GABRB1: variants seen among roughly 807,000 people sequenced by gnomAD.
The protein encoded by GABRB1 is gamma-aminobutyric acid type A receptor subunit beta1, also known as gamma-aminobutyric acid receptor subunit beta-1.
Under a neutral mutation model 51.6 loss-of-function variants are expected in GABRB1, and 17 were observed. That is an observed-to-expected ratio of 0.33 (90% CI 0.23 to 0.49). The LOEUF (loss-of-function observed/expected upper bound fraction) is 0.49. GABRB1 is among the 20% of genes least tolerant of loss of function. The probability of loss-of-function intolerance (pLI) is 0.99; values close to 1 mark genes in which losing one functional copy is unlikely to be tolerated. For synonymous variants in GABRB1, 247 were observed against 218.9 expected (o/e 1.13, Z -1.14); for missense variants, 410 against 600.6 (o/e 0.68, Z 3.32).
At chr4:47,162,076 T>A in intron 4 of GABRB1, among the ~76,000 whole-genome samples, 1 of 152,042 alleles carries the variant, frequency 6.6e-6, no homozygotes, top group Non-Finnish European at 1.5e-5. Context: ...ATCTTTGAAA[T>A]TTTTTCACTC....
chr4:47,325,349 C>T (rs1002878319), intron 5 of GABRB1, among the ~76,000 whole-genome samples: 9 of 151,066 alleles, frequency 6.0e-5, no homozygotes, highest in Non-Finnish European at 1.2e-4. Flanking sequence ...GCAGGGGAAT[C>T]ATTTGAACTT....
At chr4:47,058,817 C>T (rs1726730239) in intron 3 of GABRB1, among the ~76,000 whole-genome samples, 1 of 152,010 alleles carries the variant, frequency 6.6e-6, no homozygotes, top group South Asian at 2.1e-4. Context: ...TCTTGTCCAC[C>T]CCAGTAGATA....
intron 3 of GABRB1, 186 bp downstream of exon 3, chr4:47,032,670 G>C (rs1725377105): frequency 1.4e-6 from 1 of 719,396 alleles, no homozygotes; most frequent in African/African-American, 1.7e-5. Flanking sequence ...ACACACACGG[G>C]CTACTGCGGT....
At chr4:47,039,888 T>C (rs1560506882) in intron 3 of GABRB1, among the ~76,000 whole-genome samples, 2 of 152,190 alleles carry the variant, frequency 1.3e-5, no homozygotes, top group Non-Finnish European at 2.9e-5. Flanking sequence ...GACAATGTCA[T>C]TGAATGCTCT....
chr4:47,386,761 G>A (rs1260237305), intron 5 of GABRB1, among the ~76,000 whole-genome samples: 1 of 152,156 alleles, frequency 6.6e-6, no homozygotes, highest in African/African-American at 2.4e-5. Flanking sequence ...AGACACTTAA[G>A]CTGATGAAAT....
chr4:47,199,629 G>A (rs1719822546), intron 4 of GABRB1, among the ~76,000 whole-genome samples: 1 of 152,178 alleles, frequency 6.6e-6, no homozygotes, highest in Non-Finnish European at 1.5e-5. Flanking sequence ...CTTGGGCATA[G>A]AGGATGGAGT....
intron 3 of GABRB1, among the ~76,000 whole-genome samples, chr4:47,042,877 T>C (rs887641924): frequency 6.6e-6 from 1 of 151,976 alleles, no homozygotes; most frequent in Non-Finnish European, 1.5e-5. Flanking sequence ...ATATACCTCA[T>C]GTATACATAA....
intron 1 of GABRB1, among the ~76,000 whole-genome samples, chr4:46,999,812 A>C (rs1364259985): frequency 1.3e-5 from 2 of 152,248 alleles, no homozygotes; most frequent in Non-Finnish European, 2.9e-5. Context: ...ACATGCTGAC[A>C]TCACAGCCTG....
chr4:47,215,886 T>C (rs1021244334), intron 4 of GABRB1, among the ~76,000 whole-genome samples: 1 of 152,110 alleles, frequency 6.6e-6, no homozygotes, highest in Non-Finnish European at 1.5e-5. Context: ...TTCATTCATA[T>C]TGGATGACAC....
chr4:47,250,743 T>C (rs1439728025), intron 4 of GABRB1, among the ~76,000 whole-genome samples: 1 of 152,196 alleles, frequency 6.6e-6, no homozygotes, highest in African/African-American at 2.4e-5. Context: ...TTTAAATCTA[T>C]TGCTGAGAAT....
intron 3 of GABRB1, among the ~76,000 whole-genome samples, chr4:47,082,259 A>C (rs1047307264): frequency 6.6e-6 from 1 of 152,022 alleles, no homozygotes; most frequent in African/African-American, 2.4e-5. Flanking sequence ...CACTGTTATA[A>C]ATGGAAAACA....
chr4:47,067,939 C>T (rs1308631634), intron 3 of GABRB1, among the ~76,000 whole-genome samples: 1 of 152,100 alleles, frequency 6.6e-6, no homozygotes, highest in Non-Finnish European at 1.5e-5. Flanking sequence ...TCCATGTATT[C>T]TCATTGTTCA....
rs548151027 is a variant in GABRB1, at chr4:47,116,393, C to G, written c.241-44856C>G. Among the ~76,000 whole-genome samples, 68 of 152,314 alleles carry G rather than the reference C, an allele frequency of 4.5e-4. No individual in the cohort carries two copies. In the Middle Eastern group the frequency reaches 0.01, roughly 23 times the overall value. ...GTTGCCACAGATATCTGCCAGTGCT[C>G]AACCTGGTGGCAAAGATGTGTAAAA... On this transcript the variant is annotated intron_variant, in intron 3 of 8. Coordinates refer to ENST00000295454, the MANE Select transcript of GABRB1 (RefSeq NM_000812.4).
At chr4:47,368,187 T>G (rs944972934) in intron 5 of GABRB1, among the ~76,000 whole-genome samples, 1 of 152,194 alleles carries the variant, frequency 6.6e-6, no homozygotes, top group African/African-American at 2.4e-5. Context: ...CCTGCTTATG[T>G]GTATATGCAG....
intron 4 of GABRB1, among the ~76,000 whole-genome samples, chr4:47,220,648 C>T (rs1232189282): frequency 6.6e-6 from 1 of 151,996 alleles, no homozygotes; most frequent in Non-Finnish European, 1.5e-5. Flanking sequence ...CACCAGCCTG[C>T]TATCCAGAAA....
chr4:47,033,758 T>C (rs1275003906), intron 3 of GABRB1, among the ~76,000 whole-genome samples: 1 of 152,196 alleles, frequency 6.6e-6, no homozygotes, highest in Non-Finnish European at 1.5e-5. Flanking sequence ...ACTATTTAAT[T>C]TCTGTATTTT....
At position 47,374,999 on chromosome 4, in the gene GABRB1, C is replaced by T. The variant is rs146516552; in HGVS notation, c.545-28319C>T. Reference sequence around the variant, plus strand: ...GGGGAAAGAAAAATTTAAAGCAAGTCATACTAATTTTTACCACATGGATAT... The same window carrying T: ...GGGGAAAGAAAAATTTAAAGCAAGTTATACTAATTTTTACCACATGGATAT... On this transcript the variant is annotated intron_variant, in intron 5 of 8. Coordinates refer to ENST00000295454, the MANE Select transcript of GABRB1 (RefSeq NM_000812.4). Among the ~76,000 whole-genome samples, 3 of 152,312 alleles carry T rather than the reference C, an allele frequency of 2.0e-5. No homozygotes were observed. The East Asian group carries it at 5.8e-4, about 29-fold the overall frequency.
rs1722203245 is a variant in GABRB1 at position 47,256,510 on chromosome 4, C to A, written c.462-63617C>A. On this transcript the variant is annotated intron_variant, in intron 4 of 8. Transcript: ENST00000295454. ...GCATCTAATATTGTATTAGTCTGTT[C>A]TCGCATTGCTATGAAGAACTACCTG... Among the ~76,000 whole-genome samples, 3 of 152,188 alleles carry A rather than the reference C, an allele frequency of 2.0e-5. No individual in the cohort carries two copies. The South Asian group carries it at 6.2e-4, about 31-fold the overall frequency.
chr4:47,407,047 C>A, intron 8 of GABRB1, 121 bp downstream of exon 8: 1 of 988,510 alleles, frequency 1.0e-6, no homozygotes, highest in Admixed American at 2.8e-5. Flanking sequence ...AAGACTCAAC[C>A]AAGCCTTCAT....
Sources: gnomAD v4.1 joint callset for allele counts (sites outside exome capture counted in the v4.1 genomes callset) on GRCh38, gnomAD v4.1.1 for gene constraint, MANE v1.5 for transcripts, NCBI Gene and HGNC (gene_info 2026-07-23, HGNC 2026-07-21) for gene names.